The following MAPK6 variants were observed in gnomAD, a reference collection of about 807,000 sequenced individuals.
MAPK6 encodes the protein ERK-3.
A neutral mutation model predicts 59.3 loss-of-function variants in MAPK6; 19 were observed. The ratio of observed to expected loss-of-function variants is 0.32; its 90% CI spans 0.22 to 0.47. The LOEUF (loss-of-function observed/expected upper bound fraction) is 0.47. Ranked by LOEUF, MAPK6 falls within the 20% of genes least tolerant of loss-of-function variation. MAPK6 has a pLI of 1.00. For missense variants in MAPK6, 724 were observed against 847.9 expected, an observed-to-expected ratio of 0.85 and a Z score of 1.81; for synonymous variants, 316 against 290.3, an observed-to-expected ratio of 1.09 and a Z score of -0.90.
Position 52,049,961 on chromosome 15 carries a change from TAAAA to T in MAPK6, c.556-28_556-25del, listed in dbSNP as rs541189731. The T allele has an allele frequency of 2.8e-5, 44 of 1,582,644 alleles. No individual in the cohort carries two copies. The Admixed American group carries it at 3.9e-4, about 14-fold the overall frequency. ...TGTAAGTACTGTTCTTCAGCTAAAG[TAAAA>T]AAAGTATGTTTTTTGTTTCTTTTAT... On this transcript the variant is annotated intron_variant, in intron 2 of 5. Transcript: ENST00000261845.
intron 2 of MAPK6, among the ~76,000 whole-genome samples, chr15:51,995,676 C>T (rs1398547133): frequency 6.6e-6 from 1 of 152,046 alleles, no homozygotes; most frequent in Non-Finnish European, 1.5e-5. Flanking sequence ...GCCTGTAATC[C>T]CAGCACTGTG....
intron 2 of MAPK6, among the ~76,000 whole-genome samples, chr15:51,992,289 ATC>A (rs1331983947): frequency 3.5e-4 from 33 of 94,348 alleles, no homozygotes; most frequent in East Asian, 1.8e-3. Context: ...CTATCTATCT[ATC>A]TATATATATA....
chr15:52,058,527 C>T (rs1436090463), intron 3 of MAPK6, 106 bp from the exon 4 acceptor site: 6 of 935,732 alleles, frequency 6.4e-6, no homozygotes, highest in Admixed American at 3.3e-5. Context: ...ACAATTCAAA[C>T]TTTTCCCCCC....
chr15:52,043,968 G>A (rs2031518134), intron 1 of MAPK6, among the ~76,000 whole-genome samples: 1 of 151,596 alleles, frequency 6.6e-6, no homozygotes, highest in African/African-American at 2.4e-5. Flanking sequence ...TAGAGACGGG[G>A]TTTCACCATA....
At chr15:52,002,435 T>C (rs954165301) in intron 2 of MAPK6, among the ~76,000 whole-genome samples, 3 of 152,208 alleles carry the variant, frequency 2.0e-5, no homozygotes, top group African/African-American at 4.8e-5. Flanking sequence ...CTCTCCTGGC[T>C]CTGACTGTGG....
At chr15:51,994,376 C>T (rs757965122) in intron 2 of MAPK6, among the ~76,000 whole-genome samples, 1 of 152,080 alleles carries the variant, frequency 6.6e-6, no homozygotes, top group Admixed American at 6.6e-5. Context: ...GAGGCTGAGA[C>T]AGAGGATTGC....
intron 2 of MAPK6, among the ~76,000 whole-genome samples, chr15:51,985,185 T>A (rs963454414): frequency 6.6e-6 from 1 of 151,950 alleles, no homozygotes; most frequent in Non-Finnish European, 1.5e-5. Flanking sequence ...CTATATAAAA[T>A]TTTTTTAATT....
intron 3 of MAPK6, among the ~76,000 whole-genome samples, chr15:52,055,273 G>A (rs2031932835): frequency 6.6e-6 from 1 of 152,168 alleles, no homozygotes; most frequent in Non-Finnish European, 1.5e-5. Context: ...TGGGTGTGGT[G>A]GCACACACCT....
chr15:52,056,945 A>G (rs1003809152), intron 3 of MAPK6: 2 of 152,214 alleles, frequency 1.3e-5, no homozygotes, highest in African/African-American at 2.4e-5. Context: ...CTAATAACAA[A>G]GTTAACCTAC....
chr15:52,037,112 C>T (rs1290216521), intron 1 of MAPK6, among the ~76,000 whole-genome samples: 2 of 151,974 alleles, frequency 1.3e-5, no homozygotes, highest in African/African-American at 4.8e-5. Flanking sequence ...GCCTGGGTAA[C>T]ATAGTGAGAC....
intron 3 of MAPK6, among the ~76,000 whole-genome samples, chr15:52,012,891 G>A (rs1295319143): frequency 6.7e-6 from 1 of 150,050 alleles, no homozygotes; most frequent in Non-Finnish European, 1.5e-5. Context: ...GGAGGATGAG[G>A]CATGAGAATG....
At chr15:51,975,202 A>T (rs1393262856) in intron 1 of MAPK6, among the ~76,000 whole-genome samples, 2 of 151,946 alleles carry the variant, frequency 1.3e-5, no homozygotes, top group African/African-American at 4.8e-5. Context: ...TACATAACAC[A>T]ATACAATTAA....
intron 1 of MAPK6, among the ~76,000 whole-genome samples, chr15:52,031,331 G>A (rs1368153787): frequency 6.6e-6 from 1 of 152,178 alleles, no homozygotes; most frequent in African/African-American, 2.4e-5. Flanking sequence ...ATAAGTTACA[G>A]TGAGAGATAA....
chr15:51,985,967 AC>A (rs1389876709), intron 2 of MAPK6, among the ~76,000 whole-genome samples: 8 of 151,886 alleles, frequency 5.3e-5, no homozygotes, highest in East Asian at 1.9e-4. Flanking sequence ...CAAAAAAAAA[AC>A]AAAAAACAAC....
At chr15:52,020,069 C>T (rs2030459354) in intron 1 of MAPK6, 2 of 152,298 alleles carry the variant, frequency 1.3e-5, no homozygotes, top group South Asian at 4.1e-4. Flanking sequence ...CTAATTTCCT[C>T]CCTCGGCCCT....
At chr15:52,058,136 T>A (rs1420118583) in intron 3 of MAPK6, among the ~76,000 whole-genome samples, 3 of 152,224 alleles carry the variant, frequency 2.0e-5, no homozygotes, top group Admixed American at 6.5e-5. Context: ...TAGCCTAAAG[T>A]TTCCCCCTTT....
intron 4 of MAPK6, among the ~76,000 whole-genome samples, chr15:52,059,744 A>G (rs1429202604): frequency 6.6e-6 from 1 of 152,230 alleles, no homozygotes; most frequent in Non-Finnish European, 1.5e-5. Context: ...CCATTGAGCA[A>G]AGATCCTTGG....
At chr15:52,040,864 T>C (rs897245373) in intron 1 of MAPK6, among the ~76,000 whole-genome samples, 1 of 152,224 alleles carries the variant, frequency 6.6e-6, no homozygotes, top group Non-Finnish European at 1.5e-5. Context: ...GGTAGATCAC[T>C]GAAAGAAAGC....
At chr15:52,016,051 A>C (rs577019127), upstream of MAPK6, among the ~76,000 whole-genome samples, 7 of 52,562 alleles carry the variant, frequency 1.3e-4, no homozygotes, top group Non-Finnish European at 2.2e-4. Flanking sequence ...GCCAAACTCC[A>C]TCGCGCGCGC....
Sources: allele counts gnomAD v4.1 joint callset (sites outside exome capture counted in the v4.1 genomes callset), GRCh38; gene constraint gnomAD v4.1.1; transcripts MANE v1.5; gene names NCBI Gene and HGNC (gene_info 2026-07-23, HGNC 2026-07-21).